Variants in CACNA1I observed in about 807,000 individuals in gnomAD.
The protein encoded by CACNA1I is calcium voltage-gated channel subunit alpha1 I.
In CACNA1I, 74 loss-of-function variants were observed where a neutral mutation model predicts 201.6. That is an observed-to-expected ratio of 0.37 (90% confidence interval 0.30 to 0.45). CACNA1I has a LOEUF of 0.45. Ranked by LOEUF, CACNA1I falls within the 20% of genes least tolerant of loss-of-function variation. CACNA1I has a pLI of 1.00. For synonymous variants in CACNA1I, 1,431 were observed against 1,345.2 expected, an observed-to-expected ratio of 1.06 and a Z score of -1.40; for missense variants, 2,346 against 3,138.1, an observed-to-expected ratio of 0.75 and a Z score of 6.03.
rs375348950 is a variant in CACNA1I at position 39,684,973 on chromosome 22, C to A, written c.6027+475C>A. The A allele has an allele frequency of 4.4e-3, 1,086 of 247,336 alleles. 4 individuals carry two copies. Among genetic ancestry groups the A allele is most frequent in the South Asian group, 0.011 (146 of 12,726 alleles). 15.3% of individuals were successfully genotyped at this position (247,336 alleles called of 1,614,324 possible). ...CGTACTGGATTGGCCAGGGCCACAG[C>A]CCTCCTACCCACGGGCACACAGAGG... On this transcript the variant is annotated intron_variant, in intron 36 of 36. Coordinates refer to ENST00000402142, the MANE Select transcript of CACNA1I (RefSeq NM_021096.4). This position sits in a 1 kb window ranked among gnomAD's most constrained non-coding sequence, Gnocchi z 4.6.
At position 39,686,395 on chromosome 22, in the gene CACNA1I, G is replaced by A. The variant is rs1935879934; in HGVS notation, c.6662G>A (p.Arg2221Lys). ...ELEPGDAASK[R>K]KR ...GAGCCGGGAGACGCCGCCAGCAAGA[G>A]GAAGAGATGAGGGTCGCAGGGGCCC... is the stretch of plus-strand genomic sequence containing the variant. Residue 2221 changes from arginine to lysine, a missense_variant, in exon 37 of 37, where the codon AGG becomes AAG. By Grantham distance (26) the Arg-to-Lys change is conservative. Coordinates refer to ENST00000402142, the MANE Select transcript of CACNA1I (RefSeq NM_021096.4). 2 of 1,277,148 alleles carry A rather than the reference G, an allele frequency of 1.6e-6. No individual in the cohort carries two copies. Among genetic ancestry groups the A allele is most frequent in the East Asian group, 3.3e-5 (1 of 30,588 alleles). 79.1% of individuals were successfully genotyped at this position (1,277,148 alleles called of 1,614,324 possible).
chr22:39,662,546 G>C (rs1935059772), intron 17 of CACNA1I, 111 bp downstream of exon 17: 1 of 850,090 alleles, frequency 1.2e-6, no homozygotes, highest in Non-Finnish European at 1.7e-6. Flanking sequence ...GCGTGGCCGG[G>C]GCGTGGCCGG....
In CACNA1I at chr22:39,687,924, G is replaced by A. The variant is rs1348588846; in HGVS notation, c.*1519G>A. 6.6e-6 allele frequency: 1 copy of A among 152,208 alleles called. No homozygotes were observed. The highest frequency in any genetic ancestry group is 1.5e-5 in the Non-Finnish European group (1 of 68,040). 9.4% of individuals were successfully genotyped at this position (152,208 alleles called of 1,614,324 possible). A position where few individuals can be genotyped will look rare whatever the true frequency, so the allele number is the denominator to read the frequency against. ...TCTGGAGAGGCTGCAGGGGCCACGA[G>A]TTTGCAGATGCTGTACTTCAGCAAT... On this transcript the variant is annotated 3_prime_UTR_variant, in exon 37 of 37. Transcript: ENST00000402142.
In CACNA1I at chr22:39,670,196, G is replaced by C. The variant is rs776550727; in HGVS notation, c.4353G>C (p.Glu1451Asp). The stretch of plus-strand genomic sequence containing the variant: ...CTGAAGAGGCACGGCGGCGTGAGGA[G>C]AAGCGGCTGCGGCGCCTGGAGAAGA... ...QEAEEARRRE[E>D]KRLRRLEKKR... is the part of the protein sequence containing the mutation. The change falls in exon 25 of 37, where the codon GAG becomes GAC. Residue 1451 changes from glutamate to aspartate, a missense_variant. By Grantham distance (45) the Glu-to-Asp change is conservative (BLOSUM62 2). Coordinates refer to ENST00000402142, the MANE Select transcript of CACNA1I (RefSeq NM_021096.4). 3 of 1,613,818 alleles carry C rather than the reference G, an allele frequency of 1.9e-6. No homozygotes were observed. The highest frequency in any genetic ancestry group is 8.5e-7 in the Non-Finnish European group (1 of 1,179,864).
chr22:39,629,954 T>C lies in CACNA1I; in HGVS notation c.581-4611T>C, dbSNP rs1163961078. ...GTCTCCCTTCTGCTCCATGACCCTT[T>C]GGAGAAGCTCAAGTCTTCCAGCCCC... On this transcript the variant is annotated intron_variant, in intron 4 of 36. Coordinates refer to ENST00000402142, the MANE Select transcript of CACNA1I (RefSeq NM_021096.4). The surrounding 1 kb of genome is among the most constrained non-coding windows in gnomAD (Gnocchi z 4.8). Among the ~76,000 whole-genome samples, 2 of 152,092 alleles carry C rather than the reference T, an allele frequency of 1.3e-5. No homozygotes were observed. Among genetic ancestry groups the C allele is most frequent in the African/African-American group, 2.4e-5 (1 of 41,394 alleles).
chr22:39,685,686 C>T lies in CACNA1I; in HGVS notation c.6028-75C>T, dbSNP rs931952856. 6 of 1,229,320 alleles carry T rather than the reference C, an allele frequency of 4.9e-6. No individual in the cohort carries two copies. The highest frequency in any genetic ancestry group is 1.6e-5 in the African/African-American group (1 of 61,624). 76.2% of individuals were successfully genotyped at this position (1,229,320 alleles called of 1,614,324 possible). The stretch of plus-strand genomic sequence containing the variant: ...TGGGGTCTGCCTGCTGCCTGCTGTG[C>T]GGGGGAGGGCGGCGTCCAGGTTGCT... On this transcript the variant is annotated intron_variant, in intron 36 of 36. Coordinates refer to ENST00000402142, the MANE Select transcript of CACNA1I (RefSeq NM_021096.4). This position sits in a 1 kb window ranked among gnomAD's most constrained non-coding sequence, Gnocchi z 5.0.
In CACNA1I at chr22:39,665,203, G is replaced by A. The variant is rs946860702; in HGVS notation, c.3851+280G>A. The stretch of plus-strand genomic sequence containing the variant: ...TCTGGGTATCAGTCCCTAGACCAGG[G>A]TGTGGTGTGGACCCCGAGGAGCTGG... On this transcript the variant is annotated intron_variant, in intron 21 of 36. Coordinates refer to ENST00000402142, the MANE Select transcript of CACNA1I (RefSeq NM_021096.4). The surrounding 1 kb of genome is among the most constrained non-coding windows in gnomAD (Gnocchi z 5.5). Among the ~76,000 whole-genome samples, 8 of 152,294 alleles carry A rather than the reference G, an allele frequency of 5.3e-5. No individual in the cohort carries two copies. The highest frequency in any genetic ancestry group is 3.3e-4 in the Admixed American group (5 of 15,302).
intron 1 of CACNA1I, among the ~76,000 whole-genome samples, chr22:39,594,784 C>T (rs945015760): frequency 6.6e-6 from 1 of 151,994 alleles, no homozygotes; most frequent in African/African-American, 2.4e-5. Context: ...CCTGAGTCCC[C>T]GGATGTTGGA....
intron 7 of CACNA1I, among the ~76,000 whole-genome samples, chr22:39,645,461 C>A (rs1290513172): frequency 6.6e-6 from 1 of 152,184 alleles, no homozygotes; most frequent in Admixed American, 6.5e-5. Context: ...CAGGGCCCAG[C>A]TGTCTCTTCC....
intron 1 of CACNA1I, 106 bp from the exon 2 acceptor site, chr22:39,598,045 G>A: frequency 1.5e-6 from 1 of 673,290 alleles, no homozygotes; most frequent in South Asian, 1.7e-5. Flanking sequence ...TGAGGAATGG[G>A]GTGTATGCCT....
intron 1 of CACNA1I, among the ~76,000 whole-genome samples, chr22:39,580,368 C>T (rs1007869476): frequency 1.3e-5 from 2 of 152,222 alleles, no homozygotes; most frequent in African/African-American, 4.8e-5. Flanking sequence ...GGAGGCTGCA[C>T]TTTCACTGAC....
chr22:39,591,927 G>T (rs1932827252), intron 1 of CACNA1I, among the ~76,000 whole-genome samples: 1 of 152,182 alleles, frequency 6.6e-6, no homozygotes, highest in Non-Finnish European at 1.5e-5. Context: ...AAGTGTTCGC[G>T]ATTGTCACCA....
chr22:39,577,975 T>A (rs945851649), intron 1 of CACNA1I, among the ~76,000 whole-genome samples: 2 of 152,202 alleles, frequency 1.3e-5, no homozygotes, highest in Admixed American at 1.3e-4. Context: ...CAATGAGAAT[T>A]CTGGGGCAAG....
At chr22:39,596,819 G>A (rs1165874988) in intron 1 of CACNA1I, among the ~76,000 whole-genome samples, 1 of 152,120 alleles carries the variant, frequency 6.6e-6, no homozygotes, top group East Asian at 1.9e-4. Context: ...GAAGACCGCA[G>A]AGCCAGTCAG....
chr22:39,677,913 G>A lies in CACNA1I; in HGVS notation c.4934-74G>A, dbSNP rs775565700. On this transcript the variant is annotated intron_variant, in intron 30 of 36. Coordinates refer to ENST00000402142, the MANE Select transcript of CACNA1I (RefSeq NM_021096.4). This position sits in a 1 kb window ranked among gnomAD's most constrained non-coding sequence, Gnocchi z 4.8. ...TGTGATGAGGGTTCTGAGGCGAGGCGGGAGGCACCAGGTCAGGGTGAGCCC... is the reference window on the plus strand; with the variant it reads ...TGTGATGAGGGTTCTGAGGCGAGGCAGGAGGCACCAGGTCAGGGTGAGCCC... 19 of 1,488,740 alleles carry A rather than the reference G, an allele frequency of 1.3e-5. No individual in the cohort carries two copies. The highest frequency in any genetic ancestry group is 3.9e-5 in the South Asian group (3 of 76,038). The allele number at this position is 1,488,740 out of a possible 1,614,324, so 92.2% of individuals were successfully genotyped here.
intron 17 of CACNA1I, 59 bp from the exon 18 acceptor site, chr22:39,662,717 G>C (rs1461309488): frequency 2.4e-6 from 3 of 1,262,268 alleles, no homozygotes; most frequent in Non-Finnish European, 3.4e-6. Context: ...GGCCGCATGG[G>C]CGGAGACCGG....
rs867767573 is a variant in CACNA1I, at chr22:39,687,952, C to G, written c.*1547C>G. 2 of 152,188 alleles carry G rather than the reference C, an allele frequency of 1.3e-5. No homozygotes were observed. The highest frequency in any genetic ancestry group is 4.8e-5 in the African/African-American group (2 of 41,414). 9.4% of individuals were successfully genotyped at this position (152,188 alleles called of 1,614,324 possible). A position where few individuals can be genotyped will look rare whatever the true frequency, so the allele number is the denominator to read the frequency against. The stretch of plus-strand genomic sequence containing the variant: ...TGCAGATGCTGTACTTCAGCAATAA[C>G]CTTGCCTTTGCTAAGACCCCCTCCG... On this transcript the variant is annotated 3_prime_UTR_variant, in exon 37 of 37. Coordinates refer to ENST00000402142, the MANE Select transcript of CACNA1I (RefSeq NM_021096.4).
At chr22:39,672,842 C>A in intron 27 of CACNA1I, 107 bp from the exon 28 acceptor site, 1 of 1,262,106 alleles carries the variant, frequency 7.9e-7, no homozygotes, top group Non-Finnish European at 1.1e-6. Context: ...GCCTAATGGG[C>A]CACAATAGAA....
At chr22:39,624,983 ACTGCAACCT>A (rs1933859353) in intron 4 of CACNA1I, among the ~76,000 whole-genome samples, 1 of 142,630 alleles carries the variant, frequency 7.0e-6, no homozygotes. Context: ...ATCTTGGCTC[ACTGCAACCT>A]CCACCTCCCG....
Sources: gnomAD v4.1 joint callset for allele counts (sites outside exome capture counted in the v4.1 genomes callset) on GRCh38, gnomAD v4.1.1 for gene constraint, Gnocchi (gnomAD v3.1) non-coding constraint, MANE v1.5 for transcripts, NCBI Gene and HGNC (gene_info 2026-07-23, HGNC 2026-07-21) for gene names.